Variants in HECW1 observed in about 807,000 individuals in gnomAD.
HECW1 encodes the protein HECT, C2 and WW domain containing E3 ubiquitin protein ligase 1, also known as E3 ubiquitin-protein ligase HECW1.
HECW1 carries 61 observed loss-of-function variants against 182.3 expected under a neutral mutation model. That is an observed-to-expected ratio of 0.33 (90% CI 0.27 to 0.41). The LOEUF is 0.41. HECW1 is among the 10% of genes least tolerant of loss of function. The pLI is 1.00. For synonymous variants in HECW1, 859 were observed against 832.6 expected (o/e 1.03, Z -0.55); for missense variants, 1,739 against 2,108.9 (o/e 0.82, Z 3.44).
In HECW1 at chr7:43,463,727, G is replaced by A. The variant is rs185512708; in HGVS notation, c.2719G>A (p.Glu907Lys). Reference protein sequence around the residue: ...SEEDSGSQSCEQAPAGGGGGG... With the variant: ...SEEDSGSQSCKQAPAGGGGGG... ...AGAAGATTCTGGCAGCCAAAGCTGCGAGCAAGCCCCAGCAGGAGGAGGCGG... is the reference window on the plus strand; with the variant it reads ...AGAAGATTCTGGCAGCCAAAGCTGCAAGCAAGCCCCAGCAGGAGGAGGCGG... The change falls in exon 14 of 30, where the codon GAG becomes AAG. Residue 907 changes from glutamate (E) to lysine (K), a missense_variant. Physicochemically the swap from Glu to Lys is moderately conservative, Grantham distance 56. Around this residue, in one of 5 missense-constraint regions of HECW1, gnomAD observed 971 missense variants for 1,029.1 expected, o/e 0.94. Coordinates refer to ENST00000395891, the MANE Select transcript of HECW1 (RefSeq NM_015052.5). 1.7e-4 allele frequency: 276 copies of A among 1,614,026 alleles called. No homozygotes were observed. Among genetic ancestry groups the A allele is most frequent in the Admixed American group, 6.5e-4 (39 of 60,016 alleles).
chr7:43,510,575 A>T (rs927202195), intron 24 of HECW1, among the ~76,000 whole-genome samples: 1 of 152,220 alleles, frequency 6.6e-6, no homozygotes, highest in Non-Finnish European at 1.5e-5. Flanking sequence ...ACAATAGCTT[A>T]AATGCTCACT....
chr7:43,455,076 C>T (rs539167180), intron 12 of HECW1, among the ~76,000 whole-genome samples: 1 of 152,342 alleles, frequency 6.6e-6, no homozygotes, highest in South Asian at 2.1e-4. Context: ...CCCAGCTCAG[C>T]CCCTGCCTGT....
chr7:43,270,425 G>A (rs1802271519), intron 3 of HECW1, among the ~76,000 whole-genome samples: 1 of 152,214 alleles, frequency 6.6e-6, no homozygotes, highest in African/African-American at 2.4e-5. Flanking sequence ...AGGACTGCAT[G>A]TGCATCCTCA....
At chr7:43,529,196 C>T (rs368670451) in intron 24 of HECW1, among the ~76,000 whole-genome samples, 2 of 152,094 alleles carry the variant, frequency 1.3e-5, no homozygotes, top group African/African-American at 4.8e-5. Context: ...CACCTCCTCC[C>T]CCTACCATCG....
intron 2 of HECW1, among the ~76,000 whole-genome samples, chr7:43,229,266 G>A (rs1797684471): frequency 2.6e-5 from 4 of 152,098 alleles, no homozygotes; most frequent in Non-Finnish European, 2.9e-5. Context: ...GCTTTGATGA[G>A]TCTCCTAAGA....
chr7:43,146,062 T>C (rs1190247952), intron 2 of HECW1, among the ~76,000 whole-genome samples: 1 of 152,214 alleles, frequency 6.6e-6, no homozygotes. Flanking sequence ...TTGGTTTGGC[T>C]GATAGGAAAC....
chr7:43,198,698 T>C (rs545346203), intron 2 of HECW1, among the ~76,000 whole-genome samples: 326 of 141,388 alleles, frequency 2.3e-3, no homozygotes, highest in African/African-American at 8.2e-3. Context: ...ACACCATACA[T>C]ACACCCCCCA....
At chr7:43,489,323 A>G (rs551889377) in intron 17 of HECW1, among the ~76,000 whole-genome samples, 1 of 152,324 alleles carries the variant, frequency 6.6e-6, no homozygotes, top group East Asian at 1.9e-4. Context: ...CTCCAAGAAA[A>G]AGAGACTTAT....
intron 2 of HECW1, among the ~76,000 whole-genome samples, chr7:43,137,119 C>T (rs1469358869): frequency 6.6e-6 from 1 of 152,196 alleles, no homozygotes; most frequent in African/African-American, 2.4e-5. Flanking sequence ...ACTTTCCCTC[C>T]TTTCCATTCT....
chr7:43,271,924 C>T (rs1041567912), intron 3 of HECW1, among the ~76,000 whole-genome samples: 1 of 152,022 alleles, frequency 6.6e-6, no homozygotes, highest in African/African-American at 2.4e-5. Flanking sequence ...ACACTGGAGG[C>T]ATCACATTAC....
At chr7:43,220,946 G>A (rs1796887070) in intron 2 of HECW1, among the ~76,000 whole-genome samples, 4 of 152,220 alleles carry the variant, frequency 2.6e-5, no homozygotes, top group Admixed American at 2.6e-4. Context: ...TGTCACAGAA[G>A]GAAGCCATTA....
chr7:43,189,042 C>T (rs930972863), intron 2 of HECW1, among the ~76,000 whole-genome samples: 10 of 152,318 alleles, frequency 6.6e-5, no homozygotes, highest in East Asian at 5.8e-4. Context: ...ATCTTACACT[C>T]GTTCGCTTCC....
At chr7:43,422,936 G>A (rs10258153) in intron 8 of HECW1, among the ~76,000 whole-genome samples, 3,725 of 152,160 alleles carry the variant, frequency 0.024, 161 homozygotes, top group African/African-American at 0.086. Context: ...GCCGAGAGTC[G>A]TGGTCTCCAG....
At chr7:43,293,459 T>A (rs66828392) in intron 3 of HECW1, among the ~76,000 whole-genome samples, 7,596 of 152,146 alleles carry the variant, frequency 0.05, 216 homozygotes, top group African/African-American at 0.076. Flanking sequence ...GCAGACAAGG[T>A]CAAAGGGAGT....
chr7:43,175,725 C>T (rs1792162515), intron 2 of HECW1, among the ~76,000 whole-genome samples: 1 of 152,138 alleles, frequency 6.6e-6, no homozygotes, highest in South Asian at 2.1e-4. Context: ...CTTTGTGTAA[C>T]GAACAAGTCA....
chr7:43,538,025 G>A (rs1394205397), intron 24 of HECW1, among the ~76,000 whole-genome samples: 1 of 152,184 alleles, frequency 6.6e-6, no homozygotes, highest in Non-Finnish European at 1.5e-5. Context: ...TTGCTGCAAA[G>A]TGGTCCTTGC....
intron 2 of HECW1, among the ~76,000 whole-genome samples, chr7:43,157,132 G>C (rs569769594): frequency 1.3e-5 from 2 of 152,208 alleles, no homozygotes; most frequent in African/African-American, 4.8e-5. Flanking sequence ...CAATAGGAGA[G>C]GCATGCGTAT....
intron 11 of HECW1, among the ~76,000 whole-genome samples, chr7:43,449,853 CTGAT>C (rs1289789087): frequency 2.0e-5 from 3 of 152,214 alleles, no homozygotes; most frequent in African/African-American, 4.8e-5. Flanking sequence ...GCACTGGCCT[CTGAT>C]TATGTGACCC....
chr7:43,440,319 C>G (rs1385103832), intron 9 of HECW1: 2 of 152,472 alleles, frequency 1.3e-5, no homozygotes, highest in Non-Finnish European at 2.9e-5. Flanking sequence ...ACCTTTCCCC[C>G]CTGGGCACAC....
Sources: allele counts gnomAD v4.1 joint callset (sites outside exome capture counted in the v4.1 genomes callset), GRCh38; gene constraint gnomAD v4.1.1; regional missense constraint gnomAD v4.1.1; transcripts MANE v1.5; gene names NCBI Gene and HGNC (gene_info 2026-07-23, HGNC 2026-07-21).